LRP2: variants seen among roughly 807,000 people sequenced by gnomAD.
LRP2 encodes the protein LDL receptor related protein 2.
In LRP2, 172 loss-of-function variants were observed where a neutral mutation model predicts 531.0. The observed-to-expected ratio is 0.32, with a 90% CI of 0.29 to 0.37. The LOEUF is 0.37. Ranked by LOEUF, LRP2 falls within the 10% of genes least tolerant of loss-of-function variation. The pLI is 1.00. For missense variants in LRP2, 5,167 were observed against 5,868.3 expected, an observed-to-expected ratio of 0.88 and a Z score of 3.90; for synonymous variants, 1,992 against 2,027.6, an observed-to-expected ratio of 0.98 and a Z score of 0.47.
chr2:169,244,732 C>T lies in LRP2; in HGVS notation c.3391G>A (p.Asp1131Asn). ...TCAGATCCATCCCCACAATCATTGT[C>T]TGTGTCACAGACCCAGTTCTTTGAG... The part of the protein sequence containing the change: ...CISKNWVCDT[D>N]NDCGDGSDEK... The change falls in exon 22 of 79, where the codon GAC becomes AAC. Residue 1131 changes from aspartate (D) to asparagine (N), a missense_variant. Asp to Asn is a conservative substitution (Grantham distance 23). Transcript: ENST00000649046. 4.3e-6 allele frequency: 7 copies of T among 1,614,222 alleles called. No homozygotes were observed. Among genetic ancestry groups the T allele is most frequent in the Non-Finnish European group, 5.1e-6 (6 of 1,180,040 alleles).
intron 4 of LRP2, among the ~76,000 whole-genome samples, chr2:169,297,164 C>T (rs2673163): frequency 0.94 from 143,849 of 152,242 alleles, 68,265 homozygotes; most frequent in Non-Finnish European, 0.99. Flanking sequence ...TCCAAACTGT[C>T]AACACTGAGC....
intron 70 of LRP2, among the ~76,000 whole-genome samples, 164 bp downstream of exon 70, chr2:169,145,583 A>ACC (rs1440344924): frequency 1.3e-5 from 2 of 152,218 alleles, no homozygotes; most frequent in Non-Finnish European, 2.9e-5. Flanking sequence ...GAAAATGGTT[A>ACC]AAACGTTCCT....
intron 13 of LRP2, among the ~76,000 whole-genome samples, chr2:169,276,122 G>C (rs1002360288): frequency 1.3e-5 from 2 of 152,096 alleles, no homozygotes; most frequent in Non-Finnish European, 2.9e-5. Context: ...CACACTAAAG[G>C]GGAGTAAACA....
intron 11 of LRP2, 61 bp downstream of exon 11, chr2:169,280,289 G>C: frequency 2.5e-6 from 4 of 1,592,240 alleles, no homozygotes; most frequent in Admixed American, 1.7e-5. Context: ...CCCTCTAAAA[G>C]TGAAAAGCTA....
Position 169,181,492 on chromosome 2 carries a change from GGT to G in LRP2, c.10123_10124del (p.Thr3375GlnfsTer2). ...EWPNGITIDYTNDLLYWADAH... is the reference protein window; with the variant it reads ...EWPNGITIDYXNDLLYWADAH... ...CATCTGCCCAGTAGAGTAGATCATT[GGT>G]GTAATCAATGGTGATGCCATTAGGC... On this transcript the variant is annotated frameshift_variant, in exon 52 of 79. Transcript: ENST00000649046. LOFTEE classifies it high-confidence loss of function. 6.2e-7 allele frequency: 1 copy of G among 1,614,102 alleles called. No individual in the cohort carries two copies. Among genetic ancestry groups the G allele is most frequent in the Non-Finnish European group, 8.5e-7 (1 of 1,179,980 alleles).
rs535768114 is a variant in LRP2 at position 169,354,202 on chromosome 2, T to C, written c.79+8119A>G. Among the ~76,000 whole-genome samples, 7 of 152,344 alleles carry C rather than the reference T, an allele frequency of 4.6e-5. No individual in the cohort carries two copies. In the East Asian group the frequency reaches 1.3e-3, roughly 29 times the overall value. On this transcript the variant is annotated intron_variant, in intron 1 of 78. Coordinates refer to ENST00000649046, the MANE Select transcript of LRP2 (RefSeq NM_004525.3). ...GTGTAGCTACTTTCCTTTTCGTCTT[T>C]TTCAGGTTTCCTCAACACCTTCAAA...
At chr2:169,350,088 AT>A (rs1200565182) in intron 1 of LRP2, among the ~76,000 whole-genome samples, 1 of 152,232 alleles carries the variant, frequency 6.6e-6, no homozygotes, top group African/African-American at 2.4e-5. Context: ...TGGATTCTAG[AT>A]GTATTTTGAA....
intron 16 of LRP2, among the ~76,000 whole-genome samples, chr2:169,268,687 T>C (rs962228654): frequency 7.9e-5 from 12 of 152,204 alleles, no homozygotes; most frequent in African/African-American, 2.9e-4. Context: ...CTTTGAAAAC[T>C]GGCACAAGGC....
At chr2:169,219,535 A>G (rs1688913044) in intron 34 of LRP2, among the ~76,000 whole-genome samples, 1 of 152,136 alleles carries the variant, frequency 6.6e-6, no homozygotes, top group South Asian at 2.1e-4. Flanking sequence ...CAATTTTTCT[A>G]AAACACAAAT....
chr2:169,264,520 CA>C (rs1690713817), intron 16 of LRP2, among the ~76,000 whole-genome samples: 1 of 152,016 alleles, frequency 6.6e-6, no homozygotes, highest in Non-Finnish European at 1.5e-5. Context: ...AGCAGATTGA[CA>C]AACCAAACAT....
chr2:169,140,504 T>C lies in LRP2; in HGVS notation c.13150A>G (p.Met4384Val), dbSNP rs111869925. ...PINLPPPCRC[M>V]HGGNCYFDET... ...TCAAAATAGCAATTTCCTCCGTGCA[T>C]GCACCTGCATGGGGGGGGCAGGTTG... Residue 4384 changes from methionine (M) to valine (V), a missense_variant, in exon 72 of 79, where the codon ATG becomes GTG. Transcript: ENST00000649046. 6.2e-7 allele frequency: 1 copy of C among 1,614,070 alleles called. No homozygotes were observed. Among genetic ancestry groups the C allele is most frequent in the Non-Finnish European group, 8.5e-7 (1 of 1,179,946 alleles).
intron 34 of LRP2, 137 bp downstream of exon 34, chr2:169,220,317 C>A: frequency 1.4e-6 from 1 of 715,194 alleles, no homozygotes; most frequent in Non-Finnish European, 2.5e-6. Flanking sequence ...CTCTTTCTCA[C>A]TGAGATCTAT....
intron 64 of LRP2, 107 bp from the exon 65 acceptor site, chr2:169,156,512 T>C (rs1686336964): frequency 8.0e-7 from 1 of 1,244,508 alleles, no homozygotes; most frequent in South Asian, 1.2e-5. Flanking sequence ...CCGAGAAGGG[T>C]ACAGATGAAA....
Position 169,198,839 on chromosome 2 carries a change from C to T in LRP2, c.8525G>A (p.Cys2842Tyr). Residue 2842 changes from cysteine (C) to tyrosine (Y), a missense_variant, in exon 45 of 79, where the codon TGT becomes TAT. Physicochemically the swap from Cys to Tyr is radical, Grantham distance 194. Around this residue, in one of 6 missense-constraint regions of LRP2, gnomAD observed 1,129 missense variants for 1,362.7 expected, o/e 0.83. Coordinates refer to ENST00000649046, the MANE Select transcript of LRP2 (RefSeq NM_004525.3). The part of the protein sequence containing the change: ...SNICIPRVYL[C>Y]DGDNDCGDNS... ...ATCTCCACAGTCATTGTCTCCGTCA[C>T]ACAAATAAACGCGAGGAATACAAAT... is the stretch of plus-strand genomic sequence containing the variant. 6.2e-7 allele frequency: 1 copy of T among 1,614,014 alleles called. No homozygotes were observed. The highest frequency in any genetic ancestry group is 8.5e-7 in the Non-Finnish European group (1 of 1,179,902).
intron 1 of LRP2, among the ~76,000 whole-genome samples, chr2:169,324,742 C>T (rs1264824530): frequency 6.6e-6 from 1 of 151,920 alleles, no homozygotes; most frequent in Non-Finnish European, 1.5e-5. Context: ...TAACAGATAG[C>T]GCCCAGAGAA....
chr2:169,332,262 G>A (rs1278634122), intron 1 of LRP2, among the ~76,000 whole-genome samples: 1 of 152,162 alleles, frequency 6.6e-6, no homozygotes, highest in Admixed American at 6.5e-5. Context: ...CTACTAAATG[G>A]ACCTTCTTGA....
At chr2:169,329,794 G>A (rs531944848) in intron 1 of LRP2, among the ~76,000 whole-genome samples, 2 of 152,320 alleles carry the variant, frequency 1.3e-5, no homozygotes, top group Non-Finnish European at 2.9e-5. Context: ...CGCTTGCATG[G>A]CAAACTACGA....
chr2:169,132,514 A>G, intron 77 of LRP2, 60 bp downstream of exon 77: 1 of 941,142 alleles, frequency 1.1e-6, no homozygotes, highest in South Asian at 1.3e-5. Flanking sequence ...GTTAATAAAA[A>G]CCCAGTCATC....
chr2:169,332,030 G>C (rs573106128), intron 1 of LRP2, among the ~76,000 whole-genome samples: 2 of 152,278 alleles, frequency 1.3e-5, no homozygotes, highest in Admixed American at 1.3e-4. Flanking sequence ...TGATTAATTA[G>C]GTCCAAGTGT....
Sources: gnomAD v4.1 joint callset for allele counts (sites outside exome capture counted in the v4.1 genomes callset) on GRCh38, gnomAD v4.1.1 for gene constraint, gnomAD v4.1.1 regional missense constraint, MANE v1.5 for transcripts, NCBI Gene and HGNC (gene_info 2026-07-23, HGNC 2026-07-21) for gene names.